Variants in WWOX observed in about 807,000 individuals in gnomAD.
WWOX encodes the protein WW domain containing oxidoreductase.
Under a neutral mutation model 46.2 loss-of-function variants are expected in WWOX, and 69 were observed. The observed-to-expected ratio is 1.49, with a 90% CI of 1.23 to 1.82. The LOEUF (loss-of-function observed/expected upper bound fraction) is 1.82, where lower values mean the gene tolerates loss of function less well. WWOX is among the 40% of genes most tolerant of loss of function. WWOX has a pLI of 0.00. For missense variants in WWOX, 919 were observed against 542.6 expected, an observed-to-expected ratio of 1.69 and a Z score of -6.89; for synonymous variants, 359 against 202.6, an observed-to-expected ratio of 1.77 and a Z score of -6.56.
At chr16:79,133,401 A>G (rs1276008975) in intron 8 of WWOX, among the ~76,000 whole-genome samples, 1 of 152,220 alleles carries the variant, frequency 6.6e-6, no homozygotes, top group Non-Finnish European at 1.5e-5. Flanking sequence ...GATTGATGTC[A>G]ATATAAACTA....
chr16:79,074,497 G>T (rs374986967), intron 8 of WWOX, among the ~76,000 whole-genome samples: 1 of 146,686 alleles, frequency 6.8e-6, no homozygotes, highest in Non-Finnish European at 1.5e-5. Context: ...GGCAGTGTGG[G>T]GGAATGGAGA....
chr16:78,687,803 C>G (rs1464930388), intron 8 of WWOX, among the ~76,000 whole-genome samples: 1 of 152,088 alleles, frequency 6.6e-6, no homozygotes, highest in Non-Finnish European at 1.5e-5. Context: ...ACCTTTAGGG[C>G]TTATTATTTA....
chr16:78,749,180 A>G (rs2049419307), intron 8 of WWOX, among the ~76,000 whole-genome samples: 1 of 152,184 alleles, frequency 6.6e-6, no homozygotes, highest in Admixed American at 6.5e-5. Context: ...ATGCACTGCC[A>G]TGGGGTGACC....
At chr16:78,977,654 A>C (rs1255998992) in intron 8 of WWOX, among the ~76,000 whole-genome samples, 2 of 152,134 alleles carry the variant, frequency 1.3e-5, no homozygotes, top group African/African-American at 4.8e-5. Flanking sequence ...CTCAGCCTCG[A>C]AAGAAGTGCT....
chr16:78,907,621 G>C (rs891024525), intron 8 of WWOX, among the ~76,000 whole-genome samples: 3 of 152,202 alleles, frequency 2.0e-5, no homozygotes, highest in Admixed American at 6.5e-5. Context: ...GGTTAGATCA[G>C]ATCTCTTTCA....
intron 5 of WWOX, among the ~76,000 whole-genome samples, chr16:78,247,138 C>A (rs973776155): frequency 1.1e-4 from 16 of 152,024 alleles, no homozygotes; most frequent in Middle Eastern, 6.8e-3. Context: ...TTTTTTTCAG[C>A]CCTTCAGAGA....
At chr16:78,584,295 C>G (rs1597305909) in intron 8 of WWOX, among the ~76,000 whole-genome samples, 1 of 152,306 alleles carries the variant, frequency 6.6e-6, no homozygotes, top group South Asian at 2.1e-4. Context: ...ACCATGGAGT[C>G]ATGAGTCAAA....
chr16:79,058,258 T>G (rs2048301050), intron 8 of WWOX, among the ~76,000 whole-genome samples: 1 of 152,114 alleles, frequency 6.6e-6, no homozygotes, highest in African/African-American at 2.4e-5. Context: ...TTTCTTTGCA[T>G]CTCTGAGCCT....
chr16:78,544,126 T>C (rs2043965063), intron 8 of WWOX, among the ~76,000 whole-genome samples: 1 of 152,168 alleles, frequency 6.6e-6, no homozygotes, highest in Non-Finnish European at 1.5e-5. Flanking sequence ...TACTTGCATA[T>C]ATTGGCCAAG....
intron 8 of WWOX, chr16:79,203,519 T>C (rs2051410474): frequency 6.7e-6 from 1 of 148,924 alleles, no homozygotes; most frequent in Admixed American, 6.7e-5. Context: ...TTTTCTTCAG[T>C]GCTTTTTCAG....
chr16:79,074,764 G>A (rs1392852420), intron 8 of WWOX, among the ~76,000 whole-genome samples: 1 of 151,974 alleles, frequency 6.6e-6, no homozygotes, highest in Non-Finnish European at 1.5e-5. Flanking sequence ...CCCCAGCTCA[G>A]AAAATAGCAA....
intron 8 of WWOX, among the ~76,000 whole-genome samples, chr16:78,530,289 C>G (rs1440079205): frequency 2.0e-5 from 3 of 152,296 alleles, no homozygotes; most frequent in East Asian, 3.9e-4. Flanking sequence ...GCGTGACAGC[C>G]TTTTGCACCC....
chr16:78,932,562 C>G (rs373234029), intron 8 of WWOX, among the ~76,000 whole-genome samples: 4 of 152,206 alleles, frequency 2.6e-5, no homozygotes, highest in African/African-American at 9.6e-5. Flanking sequence ...AAATGCTGTC[C>G]TCGAAATGTT....
chr16:78,560,310 T>G (rs949118842), intron 8 of WWOX, among the ~76,000 whole-genome samples: 2 of 152,228 alleles, frequency 1.3e-5, no homozygotes, highest in Non-Finnish European at 2.9e-5. Flanking sequence ...GCTGCTGGTC[T>G]GTATTTACTG....
chr16:78,419,467 C>G (rs1424202500), intron 6 of WWOX, among the ~76,000 whole-genome samples: 8 of 151,764 alleles, frequency 5.3e-5, no homozygotes, highest in Admixed American at 2.6e-4. Context: ...ACTTGAGAGT[C>G]CAGAAATGAA....
intron 8 of WWOX, among the ~76,000 whole-genome samples, chr16:79,007,554 C>G (rs372377366): frequency 1.3e-5 from 2 of 152,162 alleles, no homozygotes; most frequent in Non-Finnish European, 2.9e-5. Flanking sequence ...TATCCATAAC[C>G]GAATCCCCAC....
At chr16:78,448,003 C>T (rs1016501214) in intron 8 of WWOX, among the ~76,000 whole-genome samples, 4 of 152,044 alleles carry the variant, frequency 2.6e-5, no homozygotes, top group Admixed American at 1.3e-4. Flanking sequence ...AGGGTTTCAC[C>T]ATACTGGCCC....
intron 8 of WWOX, among the ~76,000 whole-genome samples, chr16:78,465,517 C>G (rs1417938960): frequency 1.3e-5 from 2 of 152,184 alleles, no homozygotes; most frequent in African/African-American, 4.8e-5. Context: ...TGTTTTATCA[C>G]ATGACCACAA....
chr16:78,952,977 C>G (rs1373359867), intron 8 of WWOX, among the ~76,000 whole-genome samples: 3 of 151,736 alleles, frequency 2.0e-5, no homozygotes, highest in African/African-American at 7.3e-5. Context: ...CCACACAATG[C>G]TCATGAAAAA....
Sources: allele counts gnomAD v4.1 joint callset (sites outside exome capture counted in the v4.1 genomes callset), GRCh38; gene constraint gnomAD v4.1.1; transcripts MANE v1.5; gene names NCBI Gene and HGNC (gene_info 2026-07-23, HGNC 2026-07-21).